CFDP1: variants seen among roughly 807,000 people sequenced by gnomAD.
The protein encoded by CFDP1 is heterochromatin-stabilizing protein CFDP1.
A neutral mutation model predicts 40.1 loss-of-function variants in CFDP1; 31 were observed. The observed-to-expected ratio is 0.77, with a 90% CI of 0.58 to 1.04. CFDP1 has a LOEUF of 1.04. Among genes scored for constraint, CFDP1 ranks in the 50% least tolerant of loss-of-function variants. CFDP1 has a pLI of 0.00. For synonymous variants in CFDP1, 167 were observed against 120.0 expected (o/e 1.39, Z -2.56); for missense variants, 423 against 343.4 (o/e 1.23, Z -1.83).
chr16:75,309,826 A>AC (rs1490643485), intron 5 of CFDP1, among the ~76,000 whole-genome samples: 4 of 148,526 alleles, frequency 2.7e-5, no homozygotes. Flanking sequence ...TCTCAAAAAA[A>AC]AAAAAAAAAA....
chr16:75,370,436 T>A (rs1162078906), intron 5 of CFDP1, among the ~76,000 whole-genome samples: 3 of 152,150 alleles, frequency 2.0e-5, no homozygotes, highest in Non-Finnish European at 4.4e-5. Context: ...AGGAATAGCA[T>A]TAGGAGATAT....
intron 5 of CFDP1, among the ~76,000 whole-genome samples, chr16:75,333,419 A>G (rs1405897624): frequency 9.9e-5 from 15 of 152,140 alleles, no homozygotes; most frequent in Non-Finnish European, 2.9e-5. Context: ...CACCACACCC[A>G]GCCTATTCAT....
intron 5 of CFDP1, among the ~76,000 whole-genome samples, chr16:75,374,223 C>T (rs942672246): frequency 9.2e-5 from 14 of 151,370 alleles, no homozygotes; most frequent in African/African-American, 3.2e-4. Context: ...ACTGCACTCC[C>T]GAGACTGTCT....
chr16:75,309,400 C>T (rs547103329), intron 5 of CFDP1, among the ~76,000 whole-genome samples: 21 of 152,058 alleles, frequency 1.4e-4, no homozygotes, highest in East Asian at 1.4e-3. Context: ...ACTTCAGCCA[C>T]GCACCTCCGA....
At chr16:75,347,359 A>AAAAAAAAAAAAGAAAAAG (rs1555556963) in intron 5 of CFDP1, among the ~76,000 whole-genome samples, 2 of 53,694 alleles carry the variant, frequency 3.7e-5, no homozygotes, top group South Asian at 9.0e-4. Flanking sequence ...AAAAAAAAAA[A>AAAAAAAAAAAAGAAAAAG]AAAAAGAAAA....
chr16:75,293,964 T>C lies in CFDP1; in HGVS notation c.888A>G (p.Lys296=). The change falls in exon 7 of 7, where the codon AAA becomes AAG. Residue 296 remains lysine (K), a synonymous_variant. Coordinates refer to ENST00000283882, the MANE Select transcript of CFDP1 (RefSeq NM_006324.3). ...TTAGCCCGTAACATCAAGGTTTCAT[T>C]TTGCTCAGCCTGAGATCTCGCTCAA... is the stretch of plus-strand genomic sequence containing the variant. The part of the protein sequence containing the change: ...FEIERDLRLS[K]MKP 6.2e-7 allele frequency: 1 copy of C among 1,614,050 alleles called. No individual in the cohort carries two copies.
At chr16:75,364,577 T>C (rs974665940) in intron 5 of CFDP1, among the ~76,000 whole-genome samples, 8 of 152,220 alleles carry the variant, frequency 5.3e-5, no homozygotes, top group Non-Finnish European at 8.8e-5. Flanking sequence ...TAATGGAATG[T>C]GTGAAGAAGA....
chr16:75,383,595 CG>C (rs1268854175), intron 5 of CFDP1, among the ~76,000 whole-genome samples: 2 of 152,006 alleles, frequency 1.3e-5, no homozygotes, highest in Non-Finnish European at 2.9e-5. Context: ...CCGAGGTGGG[CG>C]GATCATGAGG....
intron 1 of CFDP1, among the ~76,000 whole-genome samples, chr16:75,419,929 C>T (rs556453462): frequency 3.7e-4 from 56 of 152,104 alleles, no homozygotes; most frequent in African/African-American, 1.3e-3. Flanking sequence ...TCTTAATAAA[C>T]TTGTTTTTAC....
chr16:75,297,146 T>TTTTGTGTGTGTG (rs1555551779), intron 6 of CFDP1, among the ~76,000 whole-genome samples: 85 of 133,074 alleles, frequency 6.4e-4, no homozygotes, highest in African/African-American at 2.1e-3. Context: ...TTCCCATTTC[T>TTTTGTGTGTGTG]TGTGTGTGTG....
chr16:75,384,852 CTATATATATATATA>C (rs59681577), intron 5 of CFDP1, among the ~76,000 whole-genome samples: 1,600 of 119,856 alleles, frequency 0.013, 69 homozygotes, highest in African/African-American at 0.048. Flanking sequence ...GAAACTAAAA[CTATATATATATATA>C]TATATATATA....
At chr16:75,377,217 C>G (rs1447162518) in intron 5 of CFDP1, among the ~76,000 whole-genome samples, 2 of 152,196 alleles carry the variant, frequency 1.3e-5, no homozygotes, top group Non-Finnish European at 2.9e-5. Context: ...TGATAATGAA[C>G]CTACCTCCTG....
chr16:75,395,306 G>A (rs1457113235), intron 4 of CFDP1, 97 bp from the exon 5 acceptor site: 28 of 1,275,230 alleles, frequency 2.2e-5, no homozygotes, highest in Non-Finnish European at 2.6e-5. Flanking sequence ...AGATCCACTC[G>A]GCTTCCAATA....
chr16:75,337,900 C>A (rs1033791651), intron 5 of CFDP1, among the ~76,000 whole-genome samples: 1 of 152,166 alleles, frequency 6.6e-6, no homozygotes, highest in African/African-American at 2.4e-5. Flanking sequence ...GGAGTTTGCT[C>A]GTTTTCCCTT....
intron 4 of CFDP1, among the ~76,000 whole-genome samples, chr16:75,404,836 C>T (rs1259164049): frequency 6.6e-6 from 1 of 152,120 alleles, no homozygotes; most frequent in East Asian, 1.9e-4. Flanking sequence ...TGGTTTTCAT[C>T]TTAGATTGGA....
chr16:75,382,948 C>T (rs983806816), intron 5 of CFDP1, among the ~76,000 whole-genome samples: 2 of 152,162 alleles, frequency 1.3e-5, no homozygotes, highest in African/African-American at 4.8e-5. Context: ...CCTACACATT[C>T]TCAAATTAGC....
At chr16:75,362,056 C>T (rs943931979) in intron 5 of CFDP1, among the ~76,000 whole-genome samples, 1 of 152,126 alleles carries the variant, frequency 6.6e-6, no homozygotes, top group African/African-American at 2.4e-5. Context: ...GTTATTCATT[C>T]GGAGATGCTT....
At chr16:75,355,410 T>C (rs1232002340) in intron 5 of CFDP1, among the ~76,000 whole-genome samples, 1 of 152,236 alleles carries the variant, frequency 6.6e-6, no homozygotes, top group East Asian at 1.9e-4. Context: ...ACTAAATATA[T>C]ACTATTCTAA....
At chr16:75,411,200 G>A (rs914460523) in intron 4 of CFDP1, among the ~76,000 whole-genome samples, 1 of 151,830 alleles carries the variant, frequency 6.6e-6, no homozygotes, top group African/African-American at 2.4e-5. Context: ...CTGCACAACG[G>A]GAGCGAGACT....
Sources: gnomAD v4.1 joint callset for allele counts (sites outside exome capture counted in the v4.1 genomes callset) on GRCh38, gnomAD v4.1.1 for gene constraint, MANE v1.5 for transcripts, NCBI Gene and HGNC (gene_info 2026-07-23, HGNC 2026-07-21) for gene names.